The following RBX1 variants were observed in gnomAD, a reference collection of about 807,000 sequenced individuals.
RBX1 encodes E3 ubiquitin-protein ligase RBX1.
For missense variants in RBX1, 46 were observed against 141.4 expected (o/e 0.33, Z 3.42); for synonymous variants, 48 against 47.9 (o/e 1.00, Z -0.01).
chr22:40,964,970 A>C (rs1205663815), intron 3 of RBX1, among the ~76,000 whole-genome samples: 1 of 152,232 alleles, frequency 6.6e-6, no homozygotes, highest in Non-Finnish European at 1.5e-5. Context: ...AATGTGATTA[A>C]ACAACTCCCG....
At chr22:40,956,525 AT>A (rs2058325874) in intron 2 of RBX1, among the ~76,000 whole-genome samples, 2 of 147,118 alleles carry the variant, frequency 1.4e-5, no homozygotes, top group African/African-American at 5.0e-5. Context: ...CATTTTTTGT[AT>A]TTTTATGAGA....
chr22:40,965,711 G>C (rs1393530615), intron 3 of RBX1, among the ~76,000 whole-genome samples: 2 of 152,078 alleles, frequency 1.3e-5, no homozygotes, highest in Non-Finnish European at 2.9e-5. Context: ...CAAAGTGCTG[G>C]GATTACAGGC....
At chr22:40,953,723 G>A in intron 2 of RBX1, 90 bp downstream of exon 2, 1 of 865,362 alleles carries the variant, frequency 1.2e-6, no homozygotes, top group South Asian at 1.3e-5. Context: ...TTCACACGAG[G>A]AGATAGCAAG....
At chr22:40,959,944 C>T (rs1190610058) in intron 2 of RBX1, among the ~76,000 whole-genome samples, 2 of 152,030 alleles carry the variant, frequency 1.3e-5, no homozygotes, top group Admixed American at 1.3e-4. Flanking sequence ...TGGTGAAACC[C>T]CGTCTCTACT....
At chr22:40,957,506 C>T (rs969255782) in intron 2 of RBX1, among the ~76,000 whole-genome samples, 9 of 151,946 alleles carry the variant, frequency 5.9e-5, no homozygotes, top group African/African-American at 2.2e-4. Context: ...GGCATGGTGG[C>T]TTATGCCTGT....
chr22:40,964,180 C>T (rs943614938), intron 3 of RBX1, 63 bp downstream of exon 3: 2 of 1,311,624 alleles, frequency 1.5e-6, no homozygotes, highest in Non-Finnish European at 2.2e-6. Context: ...TCCTGCTTTG[C>T]TAGTCTTGAA....
chr22:40,964,454 C>CT (rs772125538), intron 3 of RBX1: 6 of 209,448 alleles, frequency 2.9e-5, no homozygotes, highest in Middle Eastern at 2.0e-3. Flanking sequence ...TTGAAACAGG[C>CT]TTTTTTAAAG....
Position 40,964,028 on chromosome 22 carries a change from G to A in RBX1, c.158-19G>A, listed in dbSNP as rs772841653. ...GCTGCTCCCAAGGTCCAGTGATCCT[G>A]TTGCTCTTGTTCCCACAGGCATAGA... On this transcript the variant is annotated intron_variant, in intron 2 of 4. Coordinates refer to ENST00000216225, the MANE Select transcript of RBX1 (RefSeq NM_014248.4). 4 of 1,608,650 alleles carry A rather than the reference G, an allele frequency of 2.5e-6. No individual in the cohort carries two copies. In the South Asian group the frequency reaches 3.3e-5, roughly 13 times the overall value.
intron 2 of RBX1, among the ~76,000 whole-genome samples, chr22:40,959,215 G>T: frequency 6.6e-6 from 1 of 152,142 alleles, no homozygotes; most frequent in Non-Finnish European, 1.5e-5. Context: ...AAAGCTTAAA[G>T]GTCCCCAAGC....
chr22:40,953,517 C>T, intron 1 of RBX1, 38 bp from the exon 2 acceptor site: 1 of 1,350,964 alleles, frequency 7.4e-7, no homozygotes, highest in Non-Finnish European at 1.1e-6. Flanking sequence ...GTGTGTGTTA[C>T]AAGCAGAATG....
intron 4 of RBX1, 150 bp from the exon 5 acceptor site, chr22:40,972,326 C>A (rs879621275): frequency 1.0e-4 from 62 of 594,580 alleles, no homozygotes; most frequent in Non-Finnish European, 1.6e-4. Context: ...ACAGCGACAG[C>A]CAAGCTAGTG....
Position 40,964,216 on chromosome 22 carries a change from TCC to T in RBX1, c.228+100_228+101del, listed in dbSNP as rs1383189119. On this transcript the variant is annotated intron_variant, in intron 3 of 4. Transcript: ENST00000216225. ...AATAACTAGGGAAAAAAATGACTAG[TCC>T]ACCTTTCTCCCAAAAGGTATACAAA... 920 of 824,122 alleles carry T rather than the reference TCC, an allele frequency of 1.1e-3. 18 individuals are homozygous for T. In the South Asian group the frequency reaches 0.013, roughly 12 times the overall value. The allele number at this position is 824,122 out of a possible 1,614,324, so 51.1% of individuals were successfully genotyped here. A position where few individuals can be genotyped will look rare whatever the true frequency, so the allele number is the denominator to read the frequency against.
intron 2 of RBX1, among the ~76,000 whole-genome samples, chr22:40,955,391 G>A (rs1453751150): frequency 1.3e-5 from 2 of 150,802 alleles, no homozygotes; most frequent in African/African-American, 2.4e-5. Context: ...GAGCCACTGT[G>A]GCTGGCCTGA....
chr22:40,965,318 T>G (rs2058351170), intron 3 of RBX1, among the ~76,000 whole-genome samples: 1 of 151,704 alleles, frequency 6.6e-6, no homozygotes. Flanking sequence ...AAAAAAAATC[T>G]AAATAAATAC....
chr22:40,965,902 G>A (rs1475738756), intron 3 of RBX1, among the ~76,000 whole-genome samples: 1 of 152,218 alleles, frequency 6.6e-6, no homozygotes, highest in Non-Finnish European at 1.5e-5. Flanking sequence ...CATATACTAA[G>A]AACCATGTTC....
intron 4 of RBX1, among the ~76,000 whole-genome samples, chr22:40,971,474 G>T (rs989262363): frequency 6.6e-6 from 1 of 152,086 alleles, no homozygotes; most frequent in Admixed American, 6.6e-5. Context: ...AAAGATCCAG[G>T]ACAAAAGATA....
At chr22:40,958,394 T>C (rs1405911590) in intron 2 of RBX1, among the ~76,000 whole-genome samples, 1 of 152,192 alleles carries the variant, frequency 6.6e-6, no homozygotes, top group Non-Finnish European at 1.5e-5. Flanking sequence ...ACAATTTTTG[T>C]TAAAGATGAA....
At chr22:40,966,743 A>G (rs1207437361) in intron 3 of RBX1, 1 of 152,202 alleles carries the variant, frequency 6.6e-6, no homozygotes, top group Non-Finnish European at 1.5e-5. Flanking sequence ...CGTACCGACC[A>G]GATTTCAGTT....
At chr22:40,952,032 A>G (rs149940064) in intron 1 of RBX1, among the ~76,000 whole-genome samples, 1 of 152,010 alleles carries the variant, frequency 6.6e-6, no homozygotes, top group Non-Finnish European at 1.5e-5. Flanking sequence ...GCCTGGTTAG[A>G]GTCTGGAGTG....
Sources: allele counts gnomAD v4.1 joint callset (sites outside exome capture counted in the v4.1 genomes callset), GRCh38; gene constraint gnomAD v4.1.1; transcripts MANE v1.5; gene names NCBI Gene and HGNC (gene_info 2026-07-23, HGNC 2026-07-21).